DSCAML1: variants seen among roughly 807,000 people sequenced by gnomAD.
DSCAML1 encodes the protein DS cell adhesion molecule like 1, also known as cell adhesion molecule DSCAML1.
Under a neutral mutation model 200.5 loss-of-function variants are expected in DSCAML1, and 38 were observed. That is an observed-to-expected ratio of 0.19 (90% CI 0.15 to 0.25). The LOEUF (loss-of-function observed/expected upper bound fraction) is 0.25, where lower values mean the gene tolerates loss of function less well. DSCAML1 is among the 10% of genes least tolerant of loss of function. The pLI, the probability that DSCAML1 is intolerant of heterozygous loss-of-function variation, is 1.00. For synonymous variants in DSCAML1, 1,215 were observed against 1,165.0 expected, an observed-to-expected ratio of 1.04 and a Z score of -0.87; for missense variants, 2,223 against 2,858.8, an observed-to-expected ratio of 0.78 and a Z score of 5.07.
At chr11:117,559,536 T>C (rs551036464) in intron 3 of DSCAML1, among the ~76,000 whole-genome samples, 1 of 152,366 alleles carries the variant, frequency 6.6e-6, no homozygotes, top group African/African-American at 2.4e-5. Flanking sequence ...TTCTGAAATG[T>C]ACCCTTCCTT....
chr11:117,762,666 C>T (rs917052402), intron 3 of DSCAML1, among the ~76,000 whole-genome samples: 1 of 152,026 alleles, frequency 6.6e-6, no homozygotes, highest in African/African-American at 2.4e-5. Flanking sequence ...AGTTTGAGAC[C>T]AGACTGGCCA....
At chr11:117,448,509 T>G (rs2048223198) in intron 20 of DSCAML1, among the ~76,000 whole-genome samples, 1 of 152,090 alleles carries the variant, frequency 6.6e-6, no homozygotes, top group South Asian at 2.1e-4. Flanking sequence ...ATTCAGTGTC[T>G]GACGGGAGTG....
intron 3 of DSCAML1, among the ~76,000 whole-genome samples, chr11:117,649,697 G>A (rs973825341): frequency 2.0e-5 from 3 of 152,118 alleles, no homozygotes; most frequent in Admixed American, 6.5e-5. Flanking sequence ...AAAATAGCAC[G>A]GGTTGAGAAA....
At chr11:117,629,754 TAA>T (rs1156992798) in intron 3 of DSCAML1, among the ~76,000 whole-genome samples, 1 of 151,964 alleles carries the variant, frequency 6.6e-6, no homozygotes, top group Non-Finnish European at 1.5e-5. Flanking sequence ...CCCAGAGCTT[TAA>T]GAGGCCAAGG....
At chr11:117,737,941 G>A (rs965112583) in intron 3 of DSCAML1, among the ~76,000 whole-genome samples, 1 of 152,140 alleles carries the variant, frequency 6.6e-6, no homozygotes, top group East Asian at 1.9e-4. Context: ...AGTCATGAAA[G>A]GTTTAAAGTC....
intron 3 of DSCAML1, among the ~76,000 whole-genome samples, chr11:117,561,574 TTCTCC>T (rs558576435): frequency 3.1e-3 from 465 of 152,266 alleles, no homozygotes; most frequent in African/African-American, 0.01. Flanking sequence ...GCGCCCCTTG[TTCTCC>T]TCTCCTCTCC....
rs905762266 is a variant in DSCAML1 at position 117,518,640 on chromosome 11, C to T, written c.1336G>A (p.Glu446Lys). 1.2e-6 allele frequency: 2 copies of T among 1,613,440 alleles called. No individual in the cohort carries two copies. Among genetic ancestry groups the T allele is most frequent in the South Asian group, 1.1e-5 (1 of 91,046 alleles). ...PPTVTWALDD[E>K]PIVRDGSHRT... ...TGGCTGCCATCCCGCACGATGGGCT[C>T]ATCGTCGAGGGCCCAGGTGACCGTG... Residue 446 changes from glutamate to lysine, a missense_variant, in exon 7 of 33, where the codon GAG becomes AAG. By Grantham distance (56) the Glu-to-Lys change is moderately conservative. Coordinates refer to ENST00000651296, the MANE Select transcript of DSCAML1 (RefSeq NM_020693.4). This position sits in a 1 kb window ranked among gnomAD's most constrained non-coding sequence, Gnocchi z 6.3.
intron 11 of DSCAML1, among the ~76,000 whole-genome samples, chr11:117,501,204 C>G (rs1301503919): frequency 3.9e-5 from 6 of 152,166 alleles, no homozygotes; most frequent in Non-Finnish European, 7.4e-5. Flanking sequence ...AAGAAAAGAG[C>G]AGGCAAGGAG....
intron 3 of DSCAML1, among the ~76,000 whole-genome samples, chr11:117,736,459 A>C (rs943142205): frequency 6.6e-5 from 10 of 152,208 alleles, no homozygotes; most frequent in African/African-American, 2.4e-4. Context: ...CACCTCCATC[A>C]CATGCTACTG....
At chr11:117,547,208 C>G (rs2050388125) in intron 3 of DSCAML1, among the ~76,000 whole-genome samples, 1 of 152,318 alleles carries the variant, frequency 6.6e-6, no homozygotes, top group South Asian at 2.1e-4. Flanking sequence ...CTCCAACCCT[C>G]CCCAGAGCCC....
chr11:117,633,638 G>C (rs1206483025), intron 3 of DSCAML1, among the ~76,000 whole-genome samples: 2 of 152,242 alleles, frequency 1.3e-5, no homozygotes, highest in African/African-American at 4.8e-5. Flanking sequence ...GCATGTGGGA[G>C]AAGAATGTTT....
At chr11:117,565,149 T>C (rs1212620635) in intron 3 of DSCAML1, among the ~76,000 whole-genome samples, 4 of 152,206 alleles carry the variant, frequency 2.6e-5, no homozygotes, top group African/African-American at 9.7e-5. Context: ...TGCTTTTTTC[T>C]GCTCTGCTTT....
intron 3 of DSCAML1, among the ~76,000 whole-genome samples, chr11:117,593,330 C>T (rs1234345339): frequency 6.6e-6 from 1 of 152,242 alleles, no homozygotes; most frequent in Non-Finnish European, 1.5e-5. Context: ...TTCCCCAAAG[C>T]AGCCACAGAG....
At chr11:117,544,285 A>C (rs1178462953) in intron 3 of DSCAML1, among the ~76,000 whole-genome samples, 1 of 152,210 alleles carries the variant, frequency 6.6e-6, no homozygotes, top group African/African-American at 2.4e-5. Flanking sequence ...TCCATGCAAT[A>C]CAGATTTATA....
intron 11 of DSCAML1, among the ~76,000 whole-genome samples, chr11:117,485,193 G>C (rs1688448718): frequency 6.6e-6 from 1 of 152,170 alleles, no homozygotes; most frequent in African/African-American, 2.4e-5. Context: ...TGCACAACCT[G>C]TGTATCCATA....
At chr11:117,609,786 T>C (rs556463668) in intron 3 of DSCAML1, among the ~76,000 whole-genome samples, 40 of 152,230 alleles carry the variant, frequency 2.6e-4, no homozygotes, top group Non-Finnish European at 4.9e-4. Context: ...ATGATTTTTT[T>C]CTTGGTTTGT....
chr11:117,584,866 C>T (rs978073605), intron 3 of DSCAML1, among the ~76,000 whole-genome samples: 1 of 152,166 alleles, frequency 6.6e-6, no homozygotes, highest in African/African-American at 2.4e-5. Flanking sequence ...AACAGGAGTA[C>T]CCACCTAGTT....
intron 3 of DSCAML1, among the ~76,000 whole-genome samples, chr11:117,676,139 T>C (rs558786627): frequency 9.3e-5 from 14 of 150,816 alleles, no homozygotes; most frequent in Admixed American, 5.3e-4. Flanking sequence ...TTATCACAAA[T>C]TGGCAGAAAA....
chr11:117,776,842 C>G lies in DSCAML1; in HGVS notation c.460G>C (p.Glu154Gln). 1 of 1,614,158 alleles carries G rather than the reference C, an allele frequency of 6.2e-7. No homozygotes were observed. Among genetic ancestry groups the G allele is most frequent in the South Asian group, 1.1e-5 (1 of 91,074 alleles). ...TCCCAAGATACAACGCTAACATATT[C>G]CTGCACTGAAGAGGGGATGAGGCAC... Reference protein sequence around the residue: ...FKCLIPSSVQEYVSVVSWEKD... With the variant: ...FKCLIPSSVQQYVSVVSWEKD... Residue 154 changes from glutamate (E) to glutamine (Q), a missense_variant, in exon 3 of 33, where the codon GAA becomes CAA. Coordinates refer to ENST00000651296, the MANE Select transcript of DSCAML1 (RefSeq NM_020693.4).
Sources: gnomAD v4.1 joint callset for allele counts (sites outside exome capture counted in the v4.1 genomes callset) on GRCh38, gnomAD v4.1.1 for gene constraint, Gnocchi (gnomAD v3.1) non-coding constraint, MANE v1.5 for transcripts, NCBI Gene and HGNC (gene_info 2026-07-23, HGNC 2026-07-21) for gene names.